SCUBE2: variants seen among roughly 807,000 people sequenced by gnomAD.
The protein encoded by SCUBE2 is signal peptide, CUB domain and EGF like domain containing 2, also known as signal peptide, CUB and EGF-like domain-containing protein 2.
In SCUBE2, 114 loss-of-function variants were observed where a neutral mutation model predicts 125.9. That is an observed-to-expected ratio of 0.91 (90% CI 0.78 to 1.06). The LOEUF (loss-of-function observed/expected upper bound fraction) is 1.06. SCUBE2 is among the 50% of genes least tolerant of loss of function. The pLI, the probability that SCUBE2 is intolerant of heterozygous loss-of-function variation, is 0.00. For synonymous variants in SCUBE2, 459 were observed against 492.9 expected (o/e 0.93, Z 0.91); for missense variants, 1,255 against 1,301.8 (o/e 0.96, Z 0.55).
Position 9,027,423 on chromosome 11 carries a change from G to A in SCUBE2, c.2642C>T (p.Pro881Leu). The change falls in exon 20 of 23, where the codon CCT (proline) becomes CTT (leucine). Residue 881 changes from proline to leucine, a missense_variant. Physicochemically the swap from Pro to Leu is moderately conservative, Grantham distance 98 (BLOSUM62 -3). Around this residue, in one of 3 missense-constraint regions of SCUBE2, gnomAD observed 515 missense variants for 515.7 expected, o/e 1.00. Coordinates refer to ENST00000649792, the MANE Select transcript of SCUBE2 (RefSeq NM_001367977.2). ...GTCCTCTATGGGCAGGAAGATCTCA[G>A]GGACCACGATCAGGATGCGGCGCTT... ...PPKRRILIVV[P>L]EIFLPIEDDC... is the part of the protein sequence containing the mutation. 1 of 1,614,062 alleles carries A rather than the reference G, an allele frequency of 6.2e-7. No homozygotes were observed. The highest frequency in any genetic ancestry group is 8.5e-7 in the Non-Finnish European group (1 of 1,180,006).
chr11:9,029,859 T>G (rs3751058), intron 19 of SCUBE2, 25 bp downstream of exon 19: 2 of 1,613,772 alleles, frequency 1.2e-6, no homozygotes, highest in South Asian at 2.2e-5. Context: ...GCCAGAACTA[T>G]GAAAAGCCTT....
intron 21 of SCUBE2, among the ~76,000 whole-genome samples, chr11:9,023,355 G>T (rs1310097348): frequency 1.3e-5 from 2 of 152,158 alleles, no homozygotes; most frequent in Non-Finnish European, 2.9e-5. Flanking sequence ...TACTCCATTA[G>T]TGTGGTGTCT....
At chr11:9,066,844 A>T in intron 5 of SCUBE2, 31 bp from the exon 6 acceptor site, 1 of 1,543,266 alleles carries the variant, frequency 6.5e-7, no homozygotes, top group Non-Finnish European at 9.0e-7. Context: ...TACATAAAGC[A>T]CTGAGATTTC....
rs149122268 is a variant in SCUBE2, at chr11:9,052,996, C to T, written c.1447+103G>A. The T allele has an allele frequency of 8.7e-4, 982 of 1,126,466 alleles. 1 individual carries two copies. The highest frequency in any genetic ancestry group is 1.2e-3 in the Non-Finnish European group (902 of 767,460). The allele number at this position is 1,126,466 out of a possible 1,614,324, so 69.8% of individuals were successfully genotyped here. The stretch of plus-strand genomic sequence containing the variant: ...TCTCAAAGCACGGTGGTCGGGGCAT[C>T]TGGCGGAGGACCTGGAAGCCCTTTG... On this transcript the variant is annotated intron_variant, in intron 12 of 22. Coordinates refer to ENST00000649792, the MANE Select transcript of SCUBE2 (RefSeq NM_001367977.2).
chr11:9,074,419 C>T (rs1029160141), intron 4 of SCUBE2, 62 bp downstream of exon 4: 33 of 1,553,488 alleles, frequency 2.1e-5, no homozygotes, highest in Middle Eastern at 1.8e-4. Flanking sequence ...TGTGTGTGTG[C>T]GCGTGCAAGG....
In SCUBE2 at chr11:9,059,386, T is replaced by G. The variant is rs1288487104; in HGVS notation, c.1007A>C (p.His336Pro). ...ECQTRNGGCD[H>P]FCKNIVGSFD... ...ACTGCCCACGATGTTTTTGCAGAAA[T>G]GATCACAACCTCCATTGCGGGTCTG... The change falls in exon 9 of 23, where the codon CAT (histidine) becomes CCT (proline). Residue 336 changes from histidine (H) to proline (P), a missense_variant. This residue lies in a region of SCUBE2 where 378 missense variants were observed against 463.1 expected (regional missense o/e 0.82). Coordinates refer to ENST00000649792, the MANE Select transcript of SCUBE2 (RefSeq NM_001367977.2). 1.9e-6 allele frequency: 3 copies of G among 1,614,238 alleles called. No individual in the cohort carries two copies. Among genetic ancestry groups the G allele is most frequent in the African/African-American group, 2.7e-5 (2 of 75,060 alleles).
At chr11:9,022,514 GC>G (rs1182970715) in intron 21 of SCUBE2, 1 of 153,250 alleles carries the variant, frequency 6.5e-6, no homozygotes, top group Non-Finnish European at 1.5e-5. Flanking sequence ...ATCAGCTTTG[GC>G]CCCCATCACT....
chr11:9,034,277 A>G (rs1051281813), intron 16 of SCUBE2, among the ~76,000 whole-genome samples: 2 of 152,194 alleles, frequency 1.3e-5, no homozygotes, highest in Non-Finnish European at 2.9e-5. Context: ...TGAAGGATGA[A>G]TAGGATCTTC....
intron 1 of SCUBE2, among the ~76,000 whole-genome samples, chr11:9,090,908 C>T (rs1862632406): frequency 6.6e-6 from 1 of 152,218 alleles, no homozygotes; most frequent in South Asian, 2.1e-4. Context: ...CAGGGTAATT[C>T]CCAGATCGGA....
At chr11:9,057,494 A>G (rs1859192048) in intron 9 of SCUBE2, 1 of 150,374 alleles carries the variant, frequency 6.7e-6, no homozygotes, top group East Asian at 1.9e-4. Flanking sequence ...GAAATCTGAT[A>G]CTCTGATTTT....
intron 7 of SCUBE2, among the ~76,000 whole-genome samples, chr11:9,065,506 T>C (rs1437516685): frequency 6.6e-6 from 1 of 152,188 alleles, no homozygotes; most frequent in Non-Finnish European, 1.5e-5. Context: ...TCTTTATCAA[T>C]TACCCAGTCT....
At position 9,033,521 on chromosome 11, in the gene SCUBE2, G is replaced by A; in HGVS notation, c.2173+105C>T. 3 of 1,347,336 alleles carry A rather than the reference G, an allele frequency of 2.2e-6. No homozygotes were observed. In the South Asian group the frequency reaches 4.2e-5, roughly 19 times the overall value. 83.5% of individuals were successfully genotyped at this position (1,347,336 alleles called of 1,614,324 possible). A position where few individuals can be genotyped will look rare whatever the true frequency, so the allele number is the denominator to read the frequency against. On this transcript the variant is annotated intron_variant, in intron 17 of 22. Coordinates refer to ENST00000649792, the MANE Select transcript of SCUBE2 (RefSeq NM_001367977.2). The stretch of plus-strand genomic sequence containing the variant: ...GAGCCAACGTGGTCCCTGCTTGTAG[G>A]AAGCCCCGGGTGAGTGTGCATTGTC...
In SCUBE2 at chr11:9,026,041, C is replaced by G. The variant is rs541995440; in HGVS notation, c.2702-187G>C. On this transcript the variant is annotated intron_variant, in intron 20 of 22. Transcript: ENST00000649792. ...GTAGATTCAGCTGGTAATTGTGGAC[C>G]CCCAGGGGAGGCTACACCTGAAAGA... 12 of 589,614 alleles carry G rather than the reference C, an allele frequency of 2.0e-5. No individual in the cohort carries two copies. In the African/African-American group the frequency reaches 2.3e-4, roughly 11 times the overall value. The allele number at this position is 589,614 out of a possible 1,614,324, so 36.5% of individuals were successfully genotyped here. A position where few individuals can be genotyped will look rare whatever the true frequency, so the allele number is the denominator to read the frequency against.
intron 2 of SCUBE2, among the ~76,000 whole-genome samples, chr11:9,079,924 T>G (rs1167467729): frequency 6.6e-6 from 1 of 152,200 alleles, no homozygotes; most frequent in Non-Finnish European, 1.5e-5. Flanking sequence ...ACACAAAATT[T>G]CAGGATACGT....
intron 4 of SCUBE2, among the ~76,000 whole-genome samples, chr11:9,070,221 T>C (rs867937888): frequency 9.2e-5 from 14 of 152,260 alleles, no homozygotes; most frequent in Middle Eastern, 3.4e-3. Flanking sequence ...TACAATTCTT[T>C]TGAGGTATAC....
At chr11:9,044,025 A>G (rs1857475663) in intron 16 of SCUBE2, among the ~76,000 whole-genome samples, 2 of 152,224 alleles carry the variant, frequency 1.3e-5, no homozygotes, top group African/African-American at 4.8e-5. Context: ...AATATTGGCC[A>G]TGTGTACAAA....
At position 9,089,763 on chromosome 11, in the gene SCUBE2, G is replaced by A; in HGVS notation, c.200C>T (p.Thr67Ile). Residue 67 changes from threonine (T) to isoleucine (I), a missense_variant, in exon 2 of 23, where the codon ACC becomes ATC. Transcript: ENST00000649792. Reference protein sequence around the residue: ...HADALCQNTPTSYKCSCKPGY... With the variant: ...HADALCQNTPISYKCSCKPGY... Reference sequence around the variant, plus strand: ...AGGCTTGCAGGAGCACTTGTAGGAGGTGGGTGTGTTCTGACACAGGGCGTC... The same window carrying A: ...AGGCTTGCAGGAGCACTTGTAGGAGATGGGTGTGTTCTGACACAGGGCGTC... The A allele has an allele frequency of 6.2e-7, 1 of 1,614,052 alleles. No individual in the cohort carries two copies. Among genetic ancestry groups the A allele is most frequent in the Non-Finnish European group, 8.5e-7 (1 of 1,179,968 alleles).
chr11:9,081,776 A>C (rs925749373), intron 2 of SCUBE2, among the ~76,000 whole-genome samples: 1 of 152,234 alleles, frequency 6.6e-6, no homozygotes, highest in Non-Finnish European at 1.5e-5. Flanking sequence ...GGCTACTGTG[A>C]ATAATGCTAC....
At chr11:9,031,635 A>C (rs1333327900) in intron 17 of SCUBE2, among the ~76,000 whole-genome samples, 1 of 152,150 alleles carries the variant, frequency 6.6e-6, no homozygotes, top group Non-Finnish European at 1.5e-5. Context: ...CTCTAAAAAA[A>C]AAAAAGAGTG....
Sources: allele counts gnomAD v4.1 joint callset (sites outside exome capture counted in the v4.1 genomes callset), GRCh38; gene constraint gnomAD v4.1.1; regional missense constraint gnomAD v4.1.1; transcripts MANE v1.5; gene names NCBI Gene and HGNC (gene_info 2026-07-23, HGNC 2026-07-21).